Variants in LAMA2 observed in about 807,000 individuals in gnomAD.
LAMA2 encodes laminin subunit alpha 2.
LAMA2 carries 269 observed loss-of-function variants against 364.8 expected under a neutral mutation model. The ratio of observed to expected loss-of-function variants is 0.74; its 90% CI spans 0.67 to 0.82. The LOEUF (loss-of-function observed/expected upper bound fraction) is 0.82, where lower values mean the gene tolerates loss of function less well. LAMA2 is among the 40% of genes least tolerant of loss of function. The probability of loss-of-function intolerance (pLI) is 0.00; values close to 1 mark genes in which losing one functional copy is unlikely to be tolerated. For missense variants in LAMA2, 3,807 were observed against 3,873.2 expected, an observed-to-expected ratio of 0.98 and a Z score of 0.45; for synonymous variants, 1,379 against 1,370.6, an observed-to-expected ratio of 1.01 and a Z score of -0.14.
chr6:129,165,725 GC>G (rs1472268102), intron 9 of LAMA2, 50 bp downstream of exon 9: 1 of 1,057,332 alleles, frequency 9.5e-7, no homozygotes, highest in Non-Finnish European at 1.5e-6. Flanking sequence ...ACAACTAAAA[GC>G]CAAATATGAT....
At chr6:129,205,489 TATATACACAC>T (rs1782573198) in intron 12 of LAMA2, among the ~76,000 whole-genome samples, 1 of 130,514 alleles carries the variant, frequency 7.7e-6, no homozygotes, top group African/African-American at 3.4e-5. Flanking sequence ...TATATATATA[TATATACACAC>T]ACACACACAC....
At chr6:129,349,998 A>G (rs1372229506) in intron 31 of LAMA2, among the ~76,000 whole-genome samples, 1 of 152,168 alleles carries the variant, frequency 6.6e-6, no homozygotes, top group African/African-American at 2.4e-5. Flanking sequence ...TGTTAAATTG[A>G]ATTCTCAGTG....
At chr6:129,448,469 A>G (rs1459420241) in intron 45 of LAMA2, among the ~76,000 whole-genome samples, 2 of 152,336 alleles carry the variant, frequency 1.3e-5, no homozygotes, top group East Asian at 1.9e-4. Flanking sequence ...TGAGTTTTGT[A>G]CTAAATGAAT....
chr6:129,357,000 T>C (rs573928583), intron 32 of LAMA2, among the ~76,000 whole-genome samples: 91 of 152,196 alleles, frequency 6.0e-4, no homozygotes, highest in Non-Finnish European at 1.1e-3. Context: ...TACAATGTTA[T>C]GTAAGTTGGT....
At chr6:129,382,682 G>A (rs1250911511) in intron 34 of LAMA2, among the ~76,000 whole-genome samples, 4 of 152,132 alleles carry the variant, frequency 2.6e-5, no homozygotes, top group Admixed American at 6.5e-5. Context: ...CAAATCTATA[G>A]GATCAAGCTT....
At chr6:129,290,233 A>G (rs1206254334) in intron 19 of LAMA2, among the ~76,000 whole-genome samples, 4 of 152,188 alleles carry the variant, frequency 2.6e-5, no homozygotes, top group Non-Finnish European at 5.9e-5. Context: ...TGATATTTTA[A>G]AAATGTATGA....
At chr6:129,101,134 T>C (rs950219159) in intron 4 of LAMA2, among the ~76,000 whole-genome samples, 7 of 152,108 alleles carry the variant, frequency 4.6e-5, no homozygotes, top group Non-Finnish European at 1.0e-4. Context: ...TATAAACCAG[T>C]AAATAAAACA....
intron 22 of LAMA2, among the ~76,000 whole-genome samples, chr6:129,304,799 T>C (rs1773766980): frequency 6.6e-6 from 1 of 152,238 alleles, no homozygotes; most frequent in South Asian, 2.1e-4. Context: ...CTGTTACTAG[T>C]ATCTAGTTTA....
chr6:128,921,200 A>G (rs1159990546), intron 1 of LAMA2, among the ~76,000 whole-genome samples: 2 of 152,220 alleles, frequency 1.3e-5, no homozygotes, highest in Non-Finnish European at 2.9e-5. Flanking sequence ...AAAGTTGGTA[A>G]GTTATGTTAA....
chr6:129,422,361 C>A (rs1416815741), intron 40 of LAMA2, among the ~76,000 whole-genome samples: 1 of 151,982 alleles, frequency 6.6e-6, no homozygotes, highest in East Asian at 1.9e-4. Flanking sequence ...ATTAGCAACA[C>A]GGAGGTCTGT....
intron 12 of LAMA2, among the ~76,000 whole-genome samples, chr6:129,201,214 G>C (rs890924500): frequency 6.6e-6 from 1 of 152,140 alleles, no homozygotes; most frequent in Non-Finnish European, 1.5e-5. Context: ...AGGGTGAAGT[G>C]CATTGGTATA....
At chr6:129,125,458 T>G (rs146317231) in intron 4 of LAMA2, among the ~76,000 whole-genome samples, 1 of 152,084 alleles carries the variant, frequency 6.6e-6, no homozygotes, top group Non-Finnish European at 1.5e-5. Flanking sequence ...ACATCTACCT[T>G]TAGAGGTCAG....
chr6:129,031,694 T>C (rs890064100), intron 1 of LAMA2, among the ~76,000 whole-genome samples: 5 of 152,246 alleles, frequency 3.3e-5, no homozygotes, highest in African/African-American at 1.2e-4. Flanking sequence ...TACATCTTTT[T>C]AAAATGTTAT....
intron 2 of LAMA2, among the ~76,000 whole-genome samples, chr6:129,059,174 G>A (rs1357613598): frequency 6.6e-6 from 1 of 152,150 alleles, no homozygotes; most frequent in African/African-American, 2.4e-5. Context: ...TGGTCTCCAA[G>A]AGCCTTTAAT....
At position 129,439,846 on chromosome 6, in the gene LAMA2, A is replaced by ATATC. The variant is rs908418949; in HGVS notation, c.6086-964_6086-961dup. Among the ~76,000 whole-genome samples, 41 of 138,224 alleles carry ATATC rather than the reference A, an allele frequency of 3.0e-4. 1 individual carries two copies. Among genetic ancestry groups the ATATC allele is most frequent in the African/African-American group, 1.1e-3 (37 of 32,454 alleles). 90.7% of individuals were successfully genotyped at this position (138,224 alleles called of 152,430 possible). On this transcript the variant is annotated intron_variant, in intron 42 of 64. Coordinates refer to ENST00000421865, the MANE Select transcript of LAMA2 (RefSeq NM_000426.4). ...TGGTCATATATATATATATATATAT[A>ATATC]TATCTATCTCAATTGGTTATATAGA... is the stretch of plus-strand genomic sequence containing the variant.
intron 31 of LAMA2, among the ~76,000 whole-genome samples, chr6:129,350,455 C>CT: frequency 6.6e-6 from 1 of 152,318 alleles, no homozygotes; most frequent in African/African-American, 2.4e-5. Flanking sequence ...TGAATGTTTA[C>CT]CCGCCCTTCC....
Position 129,158,905 on chromosome 6 carries a change from A to G in LAMA2, c.1206+4222A>G, listed in dbSNP as rs1013124305. The G allele has an allele frequency of 4.4e-6, 7 of 1,607,684 alleles. No individual in the cohort carries two copies. The East Asian group carries it at 1.6e-4, about 36-fold the overall frequency. On this transcript the variant is annotated intron_variant, in intron 8 of 64. Transcript: ENST00000421865. ...GTCCATTAGTTATGCATGTGTTATT[A>G]ATAGCATCATCTGGGCAGTGCCCTC...
intron 18 of LAMA2, among the ~76,000 whole-genome samples, chr6:129,285,030 G>GTA (rs1789005101): frequency 6.6e-6 from 1 of 152,132 alleles, no homozygotes; most frequent in Non-Finnish European, 1.5e-5. Flanking sequence ...GAGAGGGCTT[G>GTA]ACATTTCACA....
At chr6:129,425,234 T>A (rs1157830717) in intron 40 of LAMA2, among the ~76,000 whole-genome samples, 2 of 151,928 alleles carry the variant, frequency 1.3e-5, no homozygotes, top group African/African-American at 4.8e-5. Flanking sequence ...AATTGTAAAT[T>A]GGTTTGCATG....
Sources: gnomAD v4.1 joint callset for allele counts (sites outside exome capture counted in the v4.1 genomes callset) on GRCh38, gnomAD v4.1.1 for gene constraint, MANE v1.5 for transcripts, NCBI Gene and HGNC (gene_info 2026-07-23, HGNC 2026-07-21) for gene names.